The following DPP10 variants were observed in gnomAD, a reference collection of about 807,000 sequenced individuals.
The protein encoded by DPP10 is inactive dipeptidyl peptidase 10.
In DPP10, 33 loss-of-function variants were observed where a neutral mutation model predicts 120.9. That is an observed-to-expected ratio of 0.27 (90% CI 0.21 to 0.37). The LOEUF (loss-of-function observed/expected upper bound fraction) is 0.37, where lower values mean the gene tolerates loss of function less well. DPP10 is among the 10% of genes least tolerant of loss of function. The pLI is 1.00. For missense variants in DPP10, 816 were observed against 942.8 expected, an observed-to-expected ratio of 0.87 and a Z score of 1.76; for synonymous variants, 337 against 326.1, an observed-to-expected ratio of 1.03 and a Z score of -0.36.
intron 1 of DPP10, among the ~76,000 whole-genome samples, chr2:114,818,229 C>G (rs1337324661): frequency 3.9e-5 from 6 of 152,102 alleles, no homozygotes; most frequent in Non-Finnish European, 8.8e-5. Flanking sequence ...AATGAAATCT[C>G]TCTTTAGCCT....
intron 3 of DPP10, among the ~76,000 whole-genome samples, chr2:115,377,770 T>C (rs1559506567): frequency 2.0e-5 from 3 of 152,122 alleles, no homozygotes; most frequent in East Asian, 1.9e-4. Context: ...TTTCTACATA[T>C]GGCTAGCCAG....
chr2:115,334,848 T>C (rs1290325217), intron 2 of DPP10, among the ~76,000 whole-genome samples: 3 of 151,872 alleles, frequency 2.0e-5, no homozygotes, highest in African/African-American at 7.2e-5. Flanking sequence ...TATATAAGTC[T>C]TCTTTTATGT....
chr2:115,568,489 TAAAG>T lies in DPP10; in HGVS notation c.441+42525_441+42528del, dbSNP rs556807017. On this transcript the variant is annotated intron_variant, in intron 5 of 25. Coordinates refer to ENST00000410059, the MANE Select transcript of DPP10 (RefSeq NM_020868.6). ...AGAGCGAGACTCCGTCTAAAAAAAA[TAAAG>T]AAAGAAATAATATCTCAGTATATTT... Among the ~76,000 whole-genome samples the T allele has an allele frequency of 1.3e-4, 19 of 151,288 alleles. No homozygotes were observed. The South Asian group carries it at 1.9e-3, about 15-fold the overall frequency.
chr2:115,383,321 C>G (rs1412811075), intron 3 of DPP10, among the ~76,000 whole-genome samples: 5 of 152,150 alleles, frequency 3.3e-5, no homozygotes, highest in African/African-American at 9.7e-5. Flanking sequence ...GGGAGTTTCC[C>G]TGCACAAGCT....
chr2:115,109,945 T>C (rs2049133236), intron 1 of DPP10, among the ~76,000 whole-genome samples: 1 of 152,234 alleles, frequency 6.6e-6, no homozygotes, highest in Non-Finnish European at 1.5e-5. Flanking sequence ...TTGATAATTC[T>C]CTGCCATCTT....
chr2:115,036,272 A>G (rs1704221207), intron 1 of DPP10, among the ~76,000 whole-genome samples: 1 of 152,164 alleles, frequency 6.6e-6, no homozygotes, highest in Non-Finnish European at 1.5e-5. Flanking sequence ...CCATGATCCA[A>G]TTACCTCCGC....
At chr2:115,084,506 C>T (rs1184583395) in intron 1 of DPP10, among the ~76,000 whole-genome samples, 11 of 152,204 alleles carry the variant, frequency 7.2e-5, no homozygotes, top group African/African-American at 2.7e-4. Flanking sequence ...CCAGTTCTGC[C>T]TGGTACTATG....
At chr2:114,635,091 A>G (rs1431886361) in intron 1 of DPP10, among the ~76,000 whole-genome samples, 1 of 151,844 alleles carries the variant, frequency 6.6e-6, no homozygotes, top group East Asian at 1.9e-4. Context: ...TTTCTAGCTG[A>G]AGTGAGTTTT....
At chr2:114,932,091 C>T (rs981921920) in intron 1 of DPP10, among the ~76,000 whole-genome samples, 17 of 152,152 alleles carry the variant, frequency 1.1e-4, no homozygotes, top group South Asian at 4.1e-4. Context: ...CATTAAGTGT[C>T]GTCCCCAGAA....
Position 114,684,828 on chromosome 2 carries a change from G to A in DPP10, c.60+241990G>A, listed in dbSNP as rs13387363. ...TGTACAGCACCTTCGATTCATGTGC[G>A]TAGGTCTGAATTCTGTTTTCAGGAT... is the stretch of plus-strand genomic sequence containing the variant. On this transcript the variant is annotated intron_variant, in intron 1 of 25. Transcript: ENST00000410059. Among the ~76,000 whole-genome samples the A allele has an allele frequency of 8.7e-3, 1,319 of 152,062 alleles. 18 individuals carry two copies. The highest frequency in any genetic ancestry group is 0.03 in the African/African-American group (1,236 of 41,508).
At chr2:115,559,919 C>G (rs978801530) in intron 5 of DPP10, among the ~76,000 whole-genome samples, 1 of 151,952 alleles carries the variant, frequency 6.6e-6, no homozygotes. Flanking sequence ...CATTGTCTAC[C>G]AAGCTTCCAT....
At chr2:115,566,852 G>A (rs1438224264) in intron 5 of DPP10, among the ~76,000 whole-genome samples, 2 of 152,040 alleles carry the variant, frequency 1.3e-5, no homozygotes, top group Non-Finnish European at 2.9e-5. Flanking sequence ...TAATTCATAG[G>A]ATATTCCCAT....
chr2:114,494,124 C>T (rs1395384618), intron 1 of DPP10, among the ~76,000 whole-genome samples: 1 of 75,172 alleles, frequency 1.3e-5, no homozygotes, highest in East Asian at 5.1e-4. Context: ...AAAAAAAACC[C>T]AGCAAATTGT....
chr2:115,405,039 T>C lies in DPP10; in HGVS notation c.271+61127T>C, dbSNP rs563392492. 3.3e-5 allele frequency among the ~76,000 whole-genome samples: 5 copies of C among 152,292 alleles called. No individual in the cohort carries two copies. In the South Asian group the frequency reaches 1.0e-3, roughly 32 times the overall value. On this transcript the variant is annotated intron_variant, in intron 3 of 25. Coordinates refer to ENST00000410059, the MANE Select transcript of DPP10 (RefSeq NM_020868.6). Reference sequence around the variant, plus strand: ...CTCATGTACTCACAATGAAAAATGTTTTCAACCCATTTCAATAGTACCCAA... The same window carrying C: ...CTCATGTACTCACAATGAAAAATGTCTTCAACCCATTTCAATAGTACCCAA...
intron 7 of DPP10, among the ~76,000 whole-genome samples, chr2:115,701,129 T>G (rs1254149304): frequency 6.6e-6 from 1 of 152,008 alleles, no homozygotes; most frequent in Non-Finnish European, 1.5e-5. Context: ...GCTTCAAGTA[T>G]CCGAAACATT....
At chr2:115,594,939 A>G (rs1413367681) in intron 5 of DPP10, among the ~76,000 whole-genome samples, 1 of 152,198 alleles carries the variant, frequency 6.6e-6, no homozygotes, top group East Asian at 1.9e-4. Flanking sequence ...TTATATAAAT[A>G]TAACCCAAAT....
intron 1 of DPP10, among the ~76,000 whole-genome samples, chr2:114,753,903 CT>C: frequency 9.4e-6 from 1 of 106,426 alleles, no homozygotes; most frequent in African/African-American, 3.8e-5. Context: ...AGTGAGACTC[CT>C]TCTCAAAAAA....
chr2:115,576,458 G>A (rs2081661976), intron 5 of DPP10, among the ~76,000 whole-genome samples: 2 of 152,130 alleles, frequency 1.3e-5, no homozygotes, highest in African/African-American at 4.8e-5. Flanking sequence ...TAAGCACAGA[G>A]TTGCTAGATA....
intron 5 of DPP10, among the ~76,000 whole-genome samples, chr2:115,645,441 C>T (rs1014030793): frequency 6.6e-6 from 1 of 152,164 alleles, no homozygotes; most frequent in Non-Finnish European, 1.5e-5. Flanking sequence ...TTCCCAATCC[C>T]CACCAGCCAC....
Sources: gnomAD v4.1 joint callset for allele counts (sites outside exome capture counted in the v4.1 genomes callset) on GRCh38, gnomAD v4.1.1 for gene constraint, MANE v1.5 for transcripts, NCBI Gene and HGNC (gene_info 2026-07-23, HGNC 2026-07-21) for gene names.